Variants in TMC2 observed in about 807,000 individuals in gnomAD.
TMC2 encodes transmembrane channel like 2, also known as transmembrane channel-like protein 2.
A neutral mutation model predicts 105.9 loss-of-function variants in TMC2; 102 were observed. That is an observed-to-expected ratio of 0.96 (90% CI 0.82 to 1.14). The LOEUF (loss-of-function observed/expected upper bound fraction) is 1.14, where lower values mean the gene tolerates loss of function less well. Among genes scored for constraint, TMC2 ranks in the 50% most tolerant of loss-of-function variants. The probability of loss-of-function intolerance (pLI) is 0.00; values close to 1 mark genes in which losing one functional copy is unlikely to be tolerated. For synonymous variants in TMC2, 402 were observed against 422.8 expected (o/e 0.95, Z 0.60); for missense variants, 1,093 against 1,134.3 (o/e 0.96, Z 0.52).
intron 11 of TMC2, among the ~76,000 whole-genome samples, chr20:2,606,891 C>CTTTTTTT (rs11476357): frequency 4.4e-3 from 365 of 83,740 alleles, no homozygotes; most frequent in Non-Finnish European, 5.9e-3. Flanking sequence ...TTTCTTTTTT[C>CTTTTTTT]TTTTTTTTTT....
At chr20:2,610,737 C>A in intron 12 of TMC2, 139 bp downstream of exon 12, 1 of 447,174 alleles carries the variant, frequency 2.2e-6, no homozygotes, top group Non-Finnish European at 3.3e-6. Flanking sequence ...TAAAAAAAAA[C>A]TCCTTGGACT....
chr20:2,615,129 C>G (rs557137765), intron 14 of TMC2, among the ~76,000 whole-genome samples: 1 of 152,148 alleles, frequency 6.6e-6, no homozygotes, highest in Admixed American at 6.5e-5. Context: ...CAAGACCATC[C>G]TGGCCAGCAT....
rs768069619 is a variant in TMC2, at chr20:2,597,274, T to C, written c.1200T>C (p.Tyr400=). 1.9e-6 allele frequency: 3 copies of C among 1,613,922 alleles called. No individual in the cohort carries two copies. Among genetic ancestry groups the C allele is most frequent in the East Asian group, 2.2e-5 (1 of 44,866 alleles). The change falls in exon 10 of 20, where the codon TAT becomes TAC. Residue 400 remains tyrosine, a synonymous_variant. Coordinates refer to ENST00000358864, the MANE Select transcript of TMC2 (RefSeq NM_080751.3). ...ATTCAGAGACAGCTGATAACAAATA[T>C]GCATCCATCACCACCAGCTTCAAGG... ...IGNSETADNK[Y]ASITTSFKES... is the part of the protein sequence containing the mutation.
At chr20:2,551,282 A>G (rs2085955130) in intron 2 of TMC2, among the ~76,000 whole-genome samples, 1 of 152,110 alleles carries the variant, frequency 6.6e-6, no homozygotes. Context: ...ATGTCTGCTC[A>G]GATCTTTTTT....
chr20:2,616,067 G>T lies in TMC2; in HGVS notation c.1873-70G>T. On this transcript the variant is annotated intron_variant, in intron 14 of 19. Coordinates refer to ENST00000358864, the MANE Select transcript of TMC2 (RefSeq NM_080751.3). The surrounding 1 kb of genome is among the most constrained non-coding windows in gnomAD (Gnocchi z 4.8). The stretch of plus-strand genomic sequence containing the variant: ...GGCTTGGCCAGTTGGTTGGTAGTAG[G>T]GTTTGGCTGAATTCACCAAACGTGC... The T allele has an allele frequency of 7.6e-7, 1 of 1,321,306 alleles. No individual in the cohort carries two copies. The highest frequency in any genetic ancestry group is 1.5e-5 in the African/African-American group (1 of 68,508). 81.8% of individuals were successfully genotyped at this position (1,321,306 alleles called of 1,614,324 possible).
At chr20:2,608,304 TTATTATTATTA>T (rs2086409204) in intron 11 of TMC2, among the ~76,000 whole-genome samples, 2 of 109,088 alleles carry the variant, frequency 1.8e-5, no homozygotes, top group African/African-American at 1.2e-4. Flanking sequence ...TTTTTATTTA[TTATTATTATTA>T]TTATTATTAT....
At chr20:2,622,680 CA>C (rs1175443163) in intron 16 of TMC2, among the ~76,000 whole-genome samples, 8 of 135,466 alleles carry the variant, frequency 5.9e-5, no homozygotes, top group Admixed American at 7.4e-5. Context: ...GACTCTGTCT[CA>C]AAAAAAAAAG....
At chr20:2,542,644 T>C (rs183891402) in intron 2 of TMC2, among the ~76,000 whole-genome samples, 38 of 152,054 alleles carry the variant, frequency 2.5e-4, no homozygotes, top group Admixed American at 1.3e-3. Context: ...CAGCCATAAT[T>C]TATCACTCCC....
intron 17 of TMC2, among the ~76,000 whole-genome samples, chr20:2,630,421 G>A (rs1012008756): frequency 6.6e-6 from 1 of 152,176 alleles, no homozygotes; most frequent in Admixed American, 6.5e-5. Context: ...TTGATGAAAT[G>A]ACCCTTTTAC....
At chr20:2,635,149 G>A (rs1465737748) in intron 17 of TMC2, among the ~76,000 whole-genome samples, 1 of 152,196 alleles carries the variant, frequency 6.6e-6, no homozygotes, top group Non-Finnish European at 1.5e-5. Context: ...TACAGTCCAG[G>A]TCATAACCCC....
rs113235737 is a variant in TMC2, at chr20:2,550,046, A to G, written c.83-8410A>G. Among the ~76,000 whole-genome samples, 451 of 151,960 alleles carry G rather than the reference A, an allele frequency of 3.0e-3. 1 individual carries two copies. Among genetic ancestry groups the G allele is most frequent in the Admixed American group, 4.3e-3 (66 of 15,256 alleles). On this transcript the variant is annotated intron_variant, in intron 2 of 19. Coordinates refer to ENST00000358864, the MANE Select transcript of TMC2 (RefSeq NM_080751.3). Reference sequence around the variant, plus strand: ...AAAAATACAAAAATTAGTTGGGCATAGTGGTGCGCACCTATAATCCCAGCT... The same window carrying G: ...AAAAATACAAAAATTAGTTGGGCATGGTGGTGCGCACCTATAATCCCAGCT...
At chr20:2,567,158 G>C (rs1776910242) in intron 4 of TMC2, among the ~76,000 whole-genome samples, 4 of 152,212 alleles carry the variant, frequency 2.6e-5, no homozygotes, top group Admixed American at 2.6e-4. Flanking sequence ...GTTTCGGTGA[G>C]GACCATGTGG....
In TMC2 at chr20:2,616,984, TAACCCATCC is replaced by T; in HGVS notation, c.1941-87_1941-79del. 1.3e-6 allele frequency: 2 copies of T among 1,529,120 alleles called. No homozygotes were observed. Among genetic ancestry groups the T allele is most frequent in the Non-Finnish European group, 1.8e-6 (2 of 1,119,946 alleles). 94.7% of individuals were successfully genotyped at this position (1,529,120 alleles called of 1,614,324 possible). ...GGAAAGCAGCTCGGCCTCATGCCCC[TAACCCATCC>T]GTCCCATTTCCTTCTATCACCCTTC... On this transcript the variant is annotated intron_variant, in intron 15 of 19. Coordinates refer to ENST00000358864, the MANE Select transcript of TMC2 (RefSeq NM_080751.3). This position sits in a 1 kb window ranked among gnomAD's most constrained non-coding sequence, Gnocchi z 4.8.
chr20:2,617,139 T>C lies in TMC2; in HGVS notation c.2008T>C (p.Phe670Leu), dbSNP rs1229231569. Residue 670 changes from phenylalanine to leucine, a missense_variant, in exon 16 of 20, where the codon TTC (phenylalanine) becomes CTC (leucine). Phe to Leu is a conservative substitution (Grantham distance 22). Transcript: ENST00000358864. ...GCTGCGCCTGCTGACCTCCATGTAC[T>C]TCCAGTGCTGGGCGGTGATGAGCAG... ...NVLRLLTSMYFQCWAVMSSNV... is the reference protein window; with the variant it reads ...NVLRLLTSMYLQCWAVMSSNV... The C allele has an allele frequency of 6.2e-7, 1 of 1,614,204 alleles. No homozygotes were observed. The highest frequency in any genetic ancestry group is 1.1e-5 in the South Asian group (1 of 91,082).
At chr20:2,570,685 C>G (rs930347519) in intron 4 of TMC2, among the ~76,000 whole-genome samples, 1 of 152,036 alleles carries the variant, frequency 6.6e-6, no homozygotes, top group Non-Finnish European at 1.5e-5. Context: ...TGAGCCCAAA[C>G]AGCCAAAGCT....
At chr20:2,598,809 GTTGT>G (rs1568519249) in intron 10 of TMC2, among the ~76,000 whole-genome samples, 1 of 152,052 alleles carries the variant, frequency 6.6e-6, no homozygotes, top group Non-Finnish European at 1.5e-5. Flanking sequence ...GAGACTGGGT[GTTGT>G]TTATTTATGT....
In TMC2 at chr20:2,594,955, T is replaced by C; in HGVS notation, c.1064T>C (p.Ile355Thr). The change falls in exon 9 of 20, where the codon ATT (isoleucine) becomes ACT (threonine). Residue 355 changes from isoleucine (I) to threonine (T), a missense_variant. Coordinates refer to ENST00000358864, the MANE Select transcript of TMC2 (RefSeq NM_080751.3). ...GVSVFGYSLI[I>T]VIRSMASNTQ... Reference sequence around the variant, plus strand: ...AGCGTGTTCGGCTACAGCCTGATTATTGTCATTCGATCGTAAGTATGACCG... The same window carrying C: ...AGCGTGTTCGGCTACAGCCTGATTACTGTCATTCGATCGTAAGTATGACCG... 1 of 1,613,854 alleles carries C rather than the reference T, an allele frequency of 6.2e-7. No individual in the cohort carries two copies. Among genetic ancestry groups the C allele is most frequent in the Non-Finnish European group, 8.5e-7 (1 of 1,179,894 alleles).
rs1405717275 is a variant in TMC2 at position 2,617,098 on chromosome 20, T to C, written c.1967T>C (p.Leu656Pro). Residue 656 changes from leucine (L) to proline (P), a missense_variant, in exon 16 of 20, where the codon CTG (leucine) becomes CCG (proline). Transcript: ENST00000358864. ...ATGGGCTCCTTCTATGCTCCAGGCC[T>C]GGTGGGCATTAATGTGCTGCGCCTG... ...IWMGSFYAPGLVGINVLRLLT... is the reference protein window; with the variant it reads ...IWMGSFYAPGPVGINVLRLLT... 5.0e-6 allele frequency: 8 copies of C among 1,614,236 alleles called. No homozygotes were observed. Among genetic ancestry groups the C allele is most frequent in the Non-Finnish European group, 5.9e-6 (7 of 1,180,044 alleles).
At position 2,553,226 on chromosome 20, in the gene TMC2, T is replaced by C. The variant is rs78872230; in HGVS notation, c.83-5230T>C. On this transcript the variant is annotated intron_variant, in intron 2 of 19. Transcript: ENST00000358864. Reference sequence around the variant, plus strand: ...TCACCACTAAGTATGATGTTAGTTGTAGGGGTTTTGTAGCAATTCTTCATC... The same window carrying C: ...TCACCACTAAGTATGATGTTAGTTGCAGGGGTTTTGTAGCAATTCTTCATC... Among the ~76,000 whole-genome samples, 494 of 152,330 alleles carry C rather than the reference T, an allele frequency of 3.2e-3. 4 individuals are homozygous for C. The highest frequency in any genetic ancestry group is 0.011 in the African/African-American group (465 of 41,568).
Sources: gnomAD v4.1 joint callset for allele counts (sites outside exome capture counted in the v4.1 genomes callset) on GRCh38, gnomAD v4.1.1 for gene constraint, Gnocchi (gnomAD v3.1) non-coding constraint, MANE v1.5 for transcripts, NCBI Gene and HGNC (gene_info 2026-07-23, HGNC 2026-07-21) for gene names.